ZSCAN25: variants seen among roughly 807,000 people sequenced by gnomAD.
The protein encoded by ZSCAN25 is zinc finger and SCAN domain containing 25, also known as zinc finger and SCAN domain-containing protein 25.
Under a neutral mutation model 38.7 loss-of-function variants are expected in ZSCAN25, and 27 were observed. The ratio of observed to expected loss-of-function variants is 0.70; its 90% confidence interval spans 0.51 to 0.96. ZSCAN25 has a LOEUF of 0.96. Ranked by LOEUF, ZSCAN25 falls within the 40% of genes least tolerant of loss-of-function variation. The pLI, the probability that ZSCAN25 is intolerant of heterozygous loss-of-function variation, is 0.00. For synonymous variants in ZSCAN25, 273 were observed against 277.7 expected (o/e 0.98, Z 0.17); for missense variants, 637 against 705.9 (o/e 0.90, Z 1.11).
chr7:99,650,956 T>A, the ZSCAN25 span, among the ~76,000 whole-genome samples: 1 of 152,226 alleles, frequency 6.6e-6, no homozygotes, highest in Non-Finnish European at 1.5e-5. Context: ...CAAATTTGAT[T>A]TCTAAATATT....
At chr7:99,710,663 GA>G in the ZSCAN25 span, 1 of 1,611,628 alleles carries the variant, frequency 6.2e-7, no homozygotes, top group Non-Finnish European at 8.5e-7. Context: ...ATTCTCCTGG[GA>G]AGTGGTGAGG....
chr7:99,670,262 G>A, the ZSCAN25 span, among the ~76,000 whole-genome samples: 4 of 152,194 alleles, frequency 2.6e-5, no homozygotes, highest in African/African-American at 7.2e-5. Flanking sequence ...TGGGTTTGAC[G>A]GCCCATTTAA....
At chr7:99,642,502 T>C in the ZSCAN25 span, among the ~76,000 whole-genome samples, 1 of 152,198 alleles carries the variant, frequency 6.6e-6, no homozygotes, top group African/African-American at 2.4e-5. Flanking sequence ...ACTGGAACCA[T>C]GTGAGAGACC....
chr7:99,714,425 C>T, the ZSCAN25 span: 1 of 1,413,906 alleles, frequency 7.1e-7, no homozygotes, highest in Non-Finnish European at 9.5e-7. Flanking sequence ...AATTATCTTG[C>T]TCTAAACATA....
chr7:99,710,767 C>G, the ZSCAN25 span: 1 of 1,613,902 alleles, frequency 6.2e-7, no homozygotes, highest in East Asian at 2.2e-5. Flanking sequence ...TCCTTCTGCA[C>G]TTTCTGCTGG....
the ZSCAN25 span, among the ~76,000 whole-genome samples, chr7:99,650,701 A>G: frequency 1.3e-5 from 2 of 150,840 alleles, no homozygotes; most frequent in African/African-American, 4.9e-5. Flanking sequence ...CTTTTTTTCT[A>G]ATTCCCCTCC....
At chr7:99,662,645 T>A in the ZSCAN25 span, among the ~76,000 whole-genome samples, 1 of 152,352 alleles carries the variant, frequency 6.6e-6, no homozygotes, top group East Asian at 1.9e-4. This position sits in a 1 kb window ranked among gnomAD's most constrained non-coding sequence, Gnocchi z 4.3. Context: ...TGGCTATACC[T>A]GTGGGCTTCT....
chr7:99,709,973 C>T, the ZSCAN25 span, among the ~76,000 whole-genome samples: 2 of 152,078 alleles, frequency 1.3e-5, no homozygotes, highest in Non-Finnish European at 2.9e-5. Flanking sequence ...ATTTCAGTGC[C>T]AGGCAAAGTT....
the ZSCAN25 span, chr7:99,638,688 C>T: frequency 6.6e-7 from 1 of 1,511,652 alleles, no homozygotes; most frequent in Non-Finnish European, 9.2e-7. Context: ...GGATTGTTGT[C>T]TTGCCGGCCG....
At chr7:99,639,155 G>A in the ZSCAN25 span, among the ~76,000 whole-genome samples, 1 of 152,234 alleles carries the variant, frequency 6.6e-6, no homozygotes, top group Non-Finnish European at 1.5e-5. Flanking sequence ...TTCAGGAAGA[G>A]CAAATAGTTG....
chr7:99,705,474 G>A, the ZSCAN25 span: 1 of 1,611,444 alleles, frequency 6.2e-7, no homozygotes, highest in Non-Finnish European at 8.5e-7. Flanking sequence ...CTTTCTTAAA[G>A]AGCAAACCAG....
the ZSCAN25 span, among the ~76,000 whole-genome samples, chr7:99,670,641 T>G: frequency 1.4e-3 from 212 of 152,348 alleles, 1 homozygote; most frequent in Middle Eastern, 6.8e-3. Flanking sequence ...GCCTCTTTAC[T>G]GGACTTTTGT....
At chr7:99,680,381 GA>G in the ZSCAN25 span, among the ~76,000 whole-genome samples, 1 of 152,110 alleles carries the variant, frequency 6.6e-6, no homozygotes, top group African/African-American at 2.4e-5. Flanking sequence ...CAGCCAGACA[GA>G]CCCCTTCTGC....
chr7:99,719,815 AG>A, the ZSCAN25 span, among the ~76,000 whole-genome samples: 5 of 152,066 alleles, frequency 3.3e-5, no homozygotes, highest in African/African-American at 1.2e-4. Flanking sequence ...CTGGCCAATA[AG>A]GTGAAACCTC....
the ZSCAN25 span, among the ~76,000 whole-genome samples, chr7:99,737,806 A>G: frequency 1.3e-5 from 2 of 152,198 alleles, no homozygotes; most frequent in Non-Finnish European, 2.9e-5. Flanking sequence ...TGCAGCCAGC[A>G]CTCTGTCCTA....
At chr7:99,650,142 G>C in the ZSCAN25 span, 1 of 1,614,162 alleles carries the variant, frequency 6.2e-7, no homozygotes, top group Middle Eastern at 1.7e-4. Flanking sequence ...TCATGTTCAT[G>C]AGAGCAAACC....
the ZSCAN25 span, among the ~76,000 whole-genome samples, chr7:99,689,051 C>T: frequency 8.5e-5 from 13 of 152,118 alleles, no homozygotes; most frequent in Non-Finnish European, 1.3e-4. Context: ...ACTAAATGCC[C>T]ACAAGAGAAA....
At chr7:99,699,091 T>C in the ZSCAN25 span, among the ~76,000 whole-genome samples, 3 of 152,144 alleles carry the variant, frequency 2.0e-5, no homozygotes, top group Admixed American at 2.0e-4. Context: ...TTCATCCTCC[T>C]TTACTGTAAC....
At chr7:99,725,435 A>G in the ZSCAN25 span, among the ~76,000 whole-genome samples, 1 of 152,232 alleles carries the variant, frequency 6.6e-6, no homozygotes, top group Non-Finnish European at 1.5e-5. Flanking sequence ...ACTTGCCTCC[A>G]GTGTAAGACA....
Sources: allele counts gnomAD v4.1 joint callset (sites outside exome capture counted in the v4.1 genomes callset), GRCh38; gene constraint gnomAD v4.1.1; non-coding constraint Gnocchi (gnomAD v3.1); transcripts MANE v1.5; gene names NCBI Gene and HGNC (gene_info 2026-07-23, HGNC 2026-07-21).